The following BOD1L1 variants were observed in gnomAD, a reference collection of about 807,000 sequenced individuals.
The protein encoded by BOD1L1 is biorientation of chromosomes in cell division 1 like 1.
In BOD1L1, 86 loss-of-function variants were observed where a neutral mutation model predicts 240.7. That is an observed-to-expected ratio of 0.36 (90% CI 0.30 to 0.43). The LOEUF (loss-of-function observed/expected upper bound fraction) is 0.43, where lower values mean the gene tolerates loss of function less well. Among genes scored for constraint, BOD1L1 ranks in the 20% least tolerant of loss-of-function variants. The pLI is 1.00. For synonymous variants in BOD1L1, 1,268 were observed against 1,272.3 expected (o/e 1.00, Z 0.07); for missense variants, 3,554 against 3,643.5 (o/e 0.98, Z 0.63).
intron 9 of BOD1L1, among the ~76,000 whole-genome samples, chr4:13,606,828 T>C (rs1715743968): frequency 6.6e-6 from 1 of 152,172 alleles, no homozygotes; most frequent in Non-Finnish European, 1.5e-5. Flanking sequence ...AATTTTAGCC[T>C]CCCTTTTTCT....
Position 13,568,807 on chromosome 4 carries a change from C to T in BOD1L1, c.*1204G>A, listed in dbSNP as rs1156880698. The T allele has an allele frequency of 6.6e-6, 1 of 151,568 alleles. No individual in the cohort carries two copies. The highest frequency in any genetic ancestry group is 2.4e-5 in the African/African-American group (1 of 41,200). 9.4% of individuals were successfully genotyped at this position (151,568 alleles called of 1,614,324 possible). A position where few individuals can be genotyped will look rare whatever the true frequency, so the allele number is the denominator to read the frequency against. On this transcript the variant is annotated 3_prime_UTR_variant, in exon 26 of 26. Transcript: ENST00000040738. Reference sequence around the variant, plus strand: ...AACCATGTAAAATGACAGAAATATCCACCTTACATTAAGAGTCAAAATAAA... The same window carrying T: ...AACCATGTAAAATGACAGAAATATCTACCTTACATTAAGAGTCAAAATAAA...
rs1443098594 is a variant in BOD1L1 at position 13,613,529 on chromosome 4, CCTT to C, written c.1304_1306del (p.Glu435del). 5.0e-6 allele frequency: 8 copies of C among 1,611,738 alleles called. No homozygotes were observed. In the East Asian group the frequency reaches 1.3e-4, roughly 27 times the overall value. ...TGCTTTACCATCTGACGTAATCTCT[CCTT>C]CTTCCATGCTATCAGACGTTACAAC... On this transcript the variant is annotated inframe_deletion, in exon 5 of 26. Coordinates refer to ENST00000040738, the MANE Select transcript of BOD1L1 (RefSeq NM_148894.3). The surrounding 1 kb of genome is among the most constrained non-coding windows in gnomAD (Gnocchi z 4.0).
Position 13,603,543 on chromosome 4 carries a change from T to C in BOD1L1, c.3357A>G (p.Pro1119=). Residue 1119 remains proline (P), a synonymous_variant, in exon 10 of 26, where the codon CCA becomes CCG. Transcript: ENST00000040738. ...CACCTGGCTCAGAATCAATTTCCATTGGCTCTTGTTCAGGGATCAATGTCA... is the reference window on the plus strand; with the variant it reads ...CACCTGGCTCAGAATCAATTTCCATCGGCTCTTGTTCAGGGATCAATGTCA... The part of the protein sequence containing the change: ...GDMTLIPEQE[P]MEIDSEPGVE... The C allele has an allele frequency of 1.2e-6, 2 of 1,614,062 alleles. No individual in the cohort carries two copies. Among genetic ancestry groups the C allele is most frequent in the Non-Finnish European group, 1.7e-6 (2 of 1,179,896 alleles).
At chr4:13,593,463 CAATATA>C (rs1317559156) in intron 12 of BOD1L1, 3 of 151,926 alleles carry the variant, frequency 2.0e-5, no homozygotes, top group Admixed American at 6.6e-5. Context: ...AATTCTATAA[CAATATA>C]AATATAATTT....
chr4:13,587,891 A>C (rs1713837544), intron 15 of BOD1L1, 120 bp from the exon 16 acceptor site: 1 of 686,950 alleles, frequency 1.5e-6, no homozygotes, highest in African/African-American at 1.8e-5. Context: ...TTTTTTAAAA[A>C]TCTAGAACAC....
intron 17 of BOD1L1, 38 bp downstream of exon 17, chr4:13,586,358 C>T (rs768907116): frequency 1.4e-6 from 2 of 1,422,372 alleles, no homozygotes; most frequent in Non-Finnish European, 9.9e-7. Context: ...CCTCCCTACC[C>T]CCACCCAAAA....
chr4:13,577,579 T>C lies in BOD1L1; in HGVS notation c.8799+3A>G, dbSNP rs1177061533. 1 of 1,575,246 alleles carries C rather than the reference T, an allele frequency of 6.3e-7. No individual in the cohort carries two copies. The highest frequency in any genetic ancestry group is 8.6e-7 in the Non-Finnish European group (1 of 1,156,372). ...ATATCTTGATAAGAAATTTAACACT[T>C]ACATTGCTTATACTTCTTTCTTGTA... On this transcript the variant is annotated splice_donor_region_variant and intron_variant, in intron 23 of 25. Transcript: ENST00000040738.
intron 2 of BOD1L1, among the ~76,000 whole-genome samples, chr4:13,619,469 CA>C (rs2108994686): frequency 6.6e-6 from 1 of 152,082 alleles, no homozygotes; most frequent in East Asian, 1.9e-4. Context: ...TCATAAACAG[CA>C]GTTAAAAGTC....
At chr4:13,591,716 G>C (rs549717256) in intron 13 of BOD1L1, among the ~76,000 whole-genome samples, 1 of 152,266 alleles carries the variant, frequency 6.6e-6, no homozygotes, top group African/African-American at 2.4e-5. Flanking sequence ...TTCTTTATCA[G>C]TGGGTATAGG....
Position 13,599,031 on chromosome 4 carries a change from T to G in BOD1L1, c.7869A>C (p.Gly2623=). The G allele has an allele frequency of 6.2e-7, 1 of 1,613,994 alleles. No individual in the cohort carries two copies. Residue 2623 remains glycine (G), a synonymous_variant, in exon 10 of 26, where the codon GGA becomes GGC. Coordinates refer to ENST00000040738, the MANE Select transcript of BOD1L1 (RefSeq NM_148894.3). ...WTDQASAEKT[G]DDNSTRKSFP... is the part of the protein sequence containing the mutation. Reference sequence around the variant, plus strand: ...ATGATTTCCTTGTGCTGTTATCATCTCCTGTTTTCTCAGCAGATGCTTGAT... The same window carrying G: ...ATGATTTCCTTGTGCTGTTATCATCGCCTGTTTTCTCAGCAGATGCTTGAT...
In BOD1L1 at chr4:13,581,182, C is replaced by T; in HGVS notation, c.8618G>A (p.Arg2873Lys). 1 of 1,571,506 alleles carries T rather than the reference C, an allele frequency of 6.4e-7. No individual in the cohort carries two copies. The highest frequency in any genetic ancestry group is 1.2e-5 in the South Asian group (1 of 85,132). The part of the protein sequence containing the change: ...QEEDQPIIIK[R>K]KRGRPRKYPV... ...GTATTTGCGAGGTCTTCCTCTTTTC[C>T]TTTTAATAATTATTGGCTGATCTTC... The change falls in exon 20 of 26, where the codon AGG (arginine) becomes AAG (lysine). Residue 2873 changes from arginine (R) to lysine (K), a missense_variant. Arg to Lys is a conservative substitution (Grantham distance 26). Around this residue, in one of 2 missense-constraint regions of BOD1L1, gnomAD observed 3,393 missense variants for 3,427.1 expected, o/e 0.99. Transcript: ENST00000040738.
In BOD1L1 at chr4:13,613,609, G is replaced by A. The variant is rs750361871; in HGVS notation, c.1227C>T (p.Ser409=). 6.2e-7 allele frequency: 1 copy of A among 1,608,430 alleles called. No homozygotes were observed. The highest frequency in any genetic ancestry group is 8.5e-7 in the Non-Finnish European group (1 of 1,175,988). The change falls in exon 5 of 26, where the codon AGC becomes AGT. Residue 409 remains serine, a synonymous_variant. Transcript: ENST00000040738. The surrounding 1 kb of genome is among the most constrained non-coding windows in gnomAD (Gnocchi z 4.0). The part of the protein sequence containing the change: ...DVDGLTDITV[S]SVHTSDLSSF... ...ATGAAAGGTCACTGGTATGAACAGA[G>A]CTAACTGTGATGTCTGTAAGTCCAT...
intron 9 of BOD1L1, among the ~76,000 whole-genome samples, chr4:13,606,078 T>C (rs1308242758): frequency 6.6e-6 from 1 of 152,112 alleles, no homozygotes; most frequent in Non-Finnish European, 1.5e-5. Context: ...TAACACTTCA[T>C]CTCCTTAAAT....
intron 23 of BOD1L1, 42 bp from the exon 24 acceptor site, chr4:13,577,529 G>C (rs1414020304): frequency 6.2e-7 from 1 of 1,601,478 alleles, no homozygotes; most frequent in South Asian, 1.1e-5. Flanking sequence ...GGTCAGCTGA[G>C]CATTTAAGTT....
At position 13,604,697 on chromosome 4, in the gene BOD1L1, A is replaced by G. The variant is rs185620274; in HGVS notation, c.2203T>C (p.Ser735Pro). The G allele has an allele frequency of 6.3e-7, 1 of 1,595,616 alleles. No individual in the cohort carries two copies. The highest frequency in any genetic ancestry group is 1.4e-5 in the African/African-American group (1 of 73,448). The change falls in exon 10 of 26, where the codon TCG becomes CCG. Residue 735 changes from serine (S) to proline (P), a missense_variant. Ser to Pro is a moderately conservative substitution (Grantham distance 74). This residue lies in a region of BOD1L1 where 3,393 missense variants were observed against 3,427.1 expected (regional missense o/e 0.99). Coordinates refer to ENST00000040738, the MANE Select transcript of BOD1L1 (RefSeq NM_148894.3). ...TGTTTCACAGACAATTTGTCTTCCG[A>G]TGGAGTTTTCTCTCTTTCAGGCTTC... ...KEKPEREKTP[S>P]EDKLSVKHKY...
At chr4:13,621,734 C>T (rs1388433382) in intron 1 of BOD1L1, among the ~76,000 whole-genome samples, 1 of 152,152 alleles carries the variant, frequency 6.6e-6, no homozygotes, top group African/African-American at 2.4e-5. Context: ...GAATGACAAA[C>T]ATTTTATCCC....
At chr4:13,584,592 C>A (rs1318976227) in intron 17 of BOD1L1, among the ~76,000 whole-genome samples, 2 of 152,002 alleles carry the variant, frequency 1.3e-5, no homozygotes, top group African/African-American at 4.8e-5. Flanking sequence ...ATGTCCTGCA[C>A]AAAAGTCTTC....
chr4:13,617,233 A>G (rs1403508726), intron 2 of BOD1L1, among the ~76,000 whole-genome samples: 3 of 122,226 alleles, frequency 2.5e-5, no homozygotes, highest in Non-Finnish European at 3.5e-5. Context: ...GACAGAGCGA[A>G]CTCCGTCTCA....
Position 13,627,508 on chromosome 4 carries a change from G to GGCGGTGGCT in BOD1L1, c.71_79dup (p.Gln24_Pro26dup). ...GCCAGCCCCGGGGCCCGGCGGCGGC[G>GGCGGTGGCT]GCGGTGGCTGCGGCTGCGGCTGCGG... On this transcript the variant is annotated inframe_insertion, in exon 1 of 26. Coordinates refer to ENST00000040738, the MANE Select transcript of BOD1L1 (RefSeq NM_148894.3). 2.0e-6 allele frequency: 2 copies of GGCGGTGGCT among 1,025,478 alleles called. No individual in the cohort carries two copies. The highest frequency in any genetic ancestry group is 4.5e-5 in the South Asian group (1 of 22,432). The allele number at this position is 1,025,478 out of a possible 1,614,324, so 63.5% of individuals were successfully genotyped here. A position where few individuals can be genotyped will look rare whatever the true frequency, so the allele number is the denominator to read the frequency against.
Sources: allele counts gnomAD v4.1 joint callset (sites outside exome capture counted in the v4.1 genomes callset), GRCh38; gene constraint gnomAD v4.1.1; regional missense constraint gnomAD v4.1.1; non-coding constraint Gnocchi (gnomAD v3.1); transcripts MANE v1.5; gene names NCBI Gene and HGNC (gene_info 2026-07-23, HGNC 2026-07-21).